The following CCDC148 variants were observed in gnomAD, a reference collection of about 807,000 sequenced individuals.
CCDC148 encodes the protein coiled-coil domain-containing protein 148.
Under a neutral mutation model 85.7 loss-of-function variants are expected in CCDC148, and 89 were observed. The ratio of observed to expected loss-of-function variants is 1.04; its 90% confidence interval spans 0.87 to 1.24. CCDC148 has a LOEUF of 1.24. Among genes scored for constraint, CCDC148 ranks in the 50% most tolerant of loss-of-function variants. The probability of loss-of-function intolerance (pLI) is 0.00; values close to 1 mark genes in which losing one functional copy is unlikely to be tolerated. For synonymous variants in CCDC148, 230 were observed against 213.9 expected (o/e 1.08, Z -0.66); for missense variants, 692 against 671.7 (o/e 1.03, Z -0.33).
intron 11 of CCDC148, among the ~76,000 whole-genome samples, chr2:158,215,225 C>T (rs1396823319): frequency 2.0e-5 from 3 of 152,152 alleles, no homozygotes; most frequent in African/African-American, 7.2e-5. Flanking sequence ...CAATTTAGAA[C>T]AATTTAGCTC....
At chr2:158,386,666 C>T (rs1164235390) in intron 1 of CCDC148, among the ~76,000 whole-genome samples, 1 of 152,048 alleles carries the variant, frequency 6.6e-6, no homozygotes, top group East Asian at 1.9e-4. Flanking sequence ...AACAACCAAG[C>T]TAGTTTTGTC....
At chr2:158,335,594 G>A (rs1363520002) in intron 7 of CCDC148, among the ~76,000 whole-genome samples, 1 of 152,058 alleles carries the variant, frequency 6.6e-6, no homozygotes, top group Non-Finnish European at 1.5e-5. Context: ...CTTGTGGTGG[G>A]GAACTCTCAT....
chr2:158,341,997 A>G (rs1250477346), intron 3 of CCDC148, among the ~76,000 whole-genome samples: 1 of 95,660 alleles, frequency 1.0e-5, no homozygotes, highest in Admixed American at 1.1e-4. Context: ...ATAGTATTCC[A>G]TTTTATGTAC....
At chr2:158,366,907 G>A (rs1250806761) in intron 1 of CCDC148, among the ~76,000 whole-genome samples, 3 of 152,098 alleles carry the variant, frequency 2.0e-5, no homozygotes, top group Non-Finnish European at 2.9e-5. Context: ...CATGTCTAGT[G>A]GCCCTTTCAG....
Position 158,207,891 on chromosome 2 carries a change from T to C in CCDC148, c.1370+12704A>G, listed in dbSNP as rs761996457. On this transcript the variant is annotated intron_variant, in intron 11 of 13. Coordinates refer to ENST00000283233, the MANE Select transcript of CCDC148 (RefSeq NM_138803.4). ...ACAGAAGGGAAATTATAAATCTGAA[T>C]TGTGATCTTGACCAAATTTGCAGAA... Among the ~76,000 whole-genome samples, 6 of 152,110 alleles carry C rather than the reference T, an allele frequency of 3.9e-5. 1 individual carries two copies. In the Middle Eastern group the frequency reaches 0.01, roughly 259 times the overall value.
At chr2:158,392,801 A>T (rs989094421) in intron 1 of CCDC148, among the ~76,000 whole-genome samples, 14 of 152,140 alleles carry the variant, frequency 9.2e-5, no homozygotes, top group African/African-American at 3.4e-4. Flanking sequence ...GTCATTTTAA[A>T]TCTTCTATAA....
chr2:158,331,699 G>A (rs1461842727), intron 7 of CCDC148, among the ~76,000 whole-genome samples: 6 of 152,140 alleles, frequency 3.9e-5, no homozygotes, highest in African/African-American at 1.2e-4. Context: ...CCTGTATTGG[G>A]TGCACATATA....
intron 9 of CCDC148, among the ~76,000 whole-genome samples, chr2:158,272,000 A>C (rs1490344906): frequency 6.6e-6 from 1 of 152,148 alleles, no homozygotes; most frequent in African/African-American, 2.4e-5. Flanking sequence ...AAGTTGCATT[A>C]ATTCATTCTT....
At chr2:158,416,499 T>C (rs565800316) in intron 1 of CCDC148, among the ~76,000 whole-genome samples, 1 of 152,232 alleles carries the variant, frequency 6.6e-6, no homozygotes, top group Non-Finnish European at 1.5e-5. Context: ...ATTCTATCTC[T>C]CAAGTACAAA....
At chr2:158,376,476 C>T (rs989512906) in intron 1 of CCDC148, among the ~76,000 whole-genome samples, 1 of 152,028 alleles carries the variant, frequency 6.6e-6, no homozygotes, top group Non-Finnish European at 1.5e-5. Flanking sequence ...TAGCAACCTA[C>T]CACTCTTTAA....
At chr2:158,333,247 C>A (rs1193681209) in intron 7 of CCDC148, among the ~76,000 whole-genome samples, 1 of 152,122 alleles carries the variant, frequency 6.6e-6, no homozygotes, top group African/African-American at 2.4e-5. Context: ...TTTCAAAGAA[C>A]TTATTTATTT....
At chr2:158,434,480 C>A (rs959799202) in intron 1 of CCDC148, among the ~76,000 whole-genome samples, 8 of 152,154 alleles carry the variant, frequency 5.3e-5, no homozygotes, top group African/African-American at 1.9e-4. Context: ...ATGTCACCAT[C>A]ATAGAAGACC....
chr2:158,267,382 G>A (rs1349518887), intron 9 of CCDC148, among the ~76,000 whole-genome samples: 1 of 152,112 alleles, frequency 6.6e-6, no homozygotes, highest in Non-Finnish European at 1.5e-5. Context: ...ACGAGACAAG[G>A]CAATCATTTC....
chr2:158,389,998 C>A (rs1196623262), intron 1 of CCDC148, among the ~76,000 whole-genome samples: 1 of 152,134 alleles, frequency 6.6e-6, no homozygotes, highest in African/African-American at 2.4e-5. Flanking sequence ...AAGGTCATTT[C>A]TTAGCACTTG....
At chr2:158,208,296 T>C (rs999458207) in intron 11 of CCDC148, among the ~76,000 whole-genome samples, 2 of 152,292 alleles carry the variant, frequency 1.3e-5, no homozygotes, top group South Asian at 2.1e-4. Context: ...AAGAAGGGTA[T>C]GTGTTGATTT....
chr2:158,434,154 AACAG>A (rs1367653654), intron 1 of CCDC148, among the ~76,000 whole-genome samples: 2 of 152,180 alleles, frequency 1.3e-5, no homozygotes, highest in African/African-American at 4.8e-5. Flanking sequence ...GAGATCTGAG[AACAG>A]ACAGACTGCC....
intron 1 of CCDC148, chr2:158,366,222 C>T (rs1488976848): frequency 1.1e-5 from 6 of 531,582 alleles, no homozygotes; most frequent in Middle Eastern, 5.3e-4. Context: ...CTTTTCTTGC[C>T]CCTAGAAGCC....
At chr2:158,443,376 T>C (rs1303217377) in intron 1 of CCDC148, among the ~76,000 whole-genome samples, 1 of 151,582 alleles carries the variant, frequency 6.6e-6, no homozygotes, top group Non-Finnish European at 1.5e-5. Context: ...TAGTGGCCTG[T>C]GCCTGTGGTC....
rs541795128 is a variant in CCDC148, at chr2:158,404,134, C to T, written c.26-45564G>A. Among the ~76,000 whole-genome samples the T allele has an allele frequency of 1.8e-4, 28 of 152,178 alleles. No individual in the cohort carries two copies. The South Asian group carries it at 5.6e-3, about 30-fold the overall frequency. The stretch of plus-strand genomic sequence containing the variant: ...CACAGTGCCTGGTATAGAGCAAATG[C>T]TCAATAAAAGCCATTATTATCATTG... On this transcript the variant is annotated intron_variant, in intron 1 of 13. Coordinates refer to ENST00000283233, the MANE Select transcript of CCDC148 (RefSeq NM_138803.4).
Sources: gnomAD v4.1 joint callset for allele counts (sites outside exome capture counted in the v4.1 genomes callset) on GRCh38, gnomAD v4.1.1 for gene constraint, MANE v1.5 for transcripts, NCBI Gene and HGNC (gene_info 2026-07-23, HGNC 2026-07-21) for gene names.